Variants in TUSC3 observed in about 807,000 individuals in gnomAD.
The protein encoded by TUSC3 is tumor suppressor candidate 3, also known as dolichyl-diphosphooligosaccharide--protein glycosyltransferase subunit TUSC3.
A neutral mutation model predicts 44.8 loss-of-function variants in TUSC3; 45 were observed. The observed-to-expected ratio is 1.00, with a 90% confidence interval of 0.79 to 1.29. The LOEUF (loss-of-function observed/expected upper bound fraction) is 1.29, where lower values mean the gene tolerates loss of function less well. Among genes scored for constraint, TUSC3 ranks in the 50% most tolerant of loss-of-function variants. The pLI, the probability that TUSC3 is intolerant of heterozygous loss-of-function variation, is 0.00. For synonymous variants in TUSC3, 212 were observed against 152.9 expected (o/e 1.39, Z -2.85); for missense variants, 519 against 437.9 (o/e 1.19, Z -1.65).
rs567320047 is a variant in TUSC3, at chr8:15,573,631, A to G, written c.138+33063A>G. Among the ~76,000 whole-genome samples the G allele has an allele frequency of 7.2e-5, 11 of 152,064 alleles. 1 individual carries two copies. The South Asian group carries it at 1.9e-3, about 26-fold the overall frequency. Reference sequence around the variant, plus strand: ...AGTGGGTTGGTGTCACAGCTGAGGAAGTTGTTTATGAACCCTCAGACTTTT... The same window carrying G: ...AGTGGGTTGGTGTCACAGCTGAGGAGGTTGTTTATGAACCCTCAGACTTTT... On this transcript the variant is annotated intron_variant, in intron 1 of 10. Transcript: ENST00000503731.
At chr8:15,662,871 A>G (rs2129180249) in intron 5 of TUSC3, among the ~76,000 whole-genome samples, 1 of 152,106 alleles carries the variant, frequency 6.6e-6, no homozygotes, top group African/African-American at 2.4e-5. Flanking sequence ...AAAGGGAATC[A>G]TGACAAGCTT....
the TUSC3 span, among the ~76,000 whole-genome samples, chr8:15,805,980 T>C: frequency 6.6e-6 from 1 of 152,124 alleles, no homozygotes; most frequent in East Asian, 1.9e-4. Flanking sequence ...AAACAAAAAA[T>C]CAGTTATGAG....
At chr8:15,814,425 C>T in the TUSC3 span, among the ~76,000 whole-genome samples, 1 of 152,166 alleles carries the variant, frequency 6.6e-6, no homozygotes, top group Non-Finnish European at 1.5e-5. Flanking sequence ...AGTTTTCAAT[C>T]TACTAAGATG....
chr8:15,718,537 G>A (rs1467126729), intron 6 of TUSC3, among the ~76,000 whole-genome samples: 2 of 152,092 alleles, frequency 1.3e-5, no homozygotes, highest in African/African-American at 4.8e-5. Flanking sequence ...ACCTGGCTGG[G>A]ATGGGATCTT....
intron 1 of TUSC3, among the ~76,000 whole-genome samples, chr8:15,440,374 A>G (rs1264922444): frequency 3.3e-5 from 5 of 152,142 alleles, no homozygotes; most frequent in Non-Finnish European, 7.3e-5. Flanking sequence ...AGAAACCCAG[A>G]ATGATTAGAC....
Position 15,457,883 on chromosome 8 carries a change from C to T in TUSC3, n.92-25503C>T, listed in dbSNP as rs539869366. ...ATCTAATAAATTAATTAGATAATTA[C>T]TAATTAATTAATTAGATAATTACTA... On this transcript the variant is annotated intron_variant and non_coding_transcript_variant, in intron 1 of 5. Coordinates refer to the TUSC3 transcript ENST00000503191. Among the ~76,000 whole-genome samples the T allele has an allele frequency of 8.8e-3, 1,244 of 141,390 alleles. 19 individuals are homozygous for T. The highest frequency in any genetic ancestry group is 0.031 in the African/African-American group (1,182 of 38,538). 92.8% of individuals were successfully genotyped at this position (141,390 alleles called of 152,430 possible). A position where few individuals can be genotyped will look rare whatever the true frequency, so the allele number is the denominator to read the frequency against.
chr8:15,816,242 A>G, the TUSC3 span, among the ~76,000 whole-genome samples: 2 of 152,182 alleles, frequency 1.3e-5, no homozygotes, highest in African/African-American at 4.8e-5. Context: ...GATAATGAAG[A>G]GAACTGGAGA....
At chr8:15,797,792 G>A in the TUSC3 span, among the ~76,000 whole-genome samples, 1 of 152,160 alleles carries the variant, frequency 6.6e-6, no homozygotes, top group South Asian at 2.1e-4. Context: ...CACAGCAAGT[G>A]CTATCAATCT....
At chr8:15,772,882 C>T in the TUSC3 span, among the ~76,000 whole-genome samples, 1 of 131,462 alleles carries the variant, frequency 7.6e-6, no homozygotes, top group South Asian at 2.4e-4. Flanking sequence ...ACCACATGAA[C>T]AGAATGAAGA....
intron 6 of TUSC3, among the ~76,000 whole-genome samples, chr8:15,677,114 C>A (rs976071577): frequency 6.6e-6 from 1 of 152,082 alleles, no homozygotes; most frequent in Non-Finnish European, 1.5e-5. Context: ...GAACTCCTGG[C>A]TCAAGTGATC....
chr8:15,596,535 C>A (rs941820384), intron 1 of TUSC3, among the ~76,000 whole-genome samples: 4 of 152,222 alleles, frequency 2.6e-5, no homozygotes, highest in Admixed American at 6.5e-5. Context: ...GTCCTAGAAC[C>A]AATACCCTGT....
At chr8:15,442,536 A>T (rs1352913430) in intron 1 of TUSC3, among the ~76,000 whole-genome samples, 1 of 152,194 alleles carries the variant, frequency 6.6e-6, no homozygotes, top group Non-Finnish European at 1.5e-5. Context: ...TCTTACTAAA[A>T]TACACATAAA....
At chr8:15,665,933 C>G (rs1184336791) in intron 5 of TUSC3, among the ~76,000 whole-genome samples, 1 of 151,394 alleles carries the variant, frequency 6.6e-6, no homozygotes, top group Non-Finnish European at 1.5e-5. Context: ...GTTTCACTCC[C>G]TTCTGTCTTC....
chr8:15,587,338 A>C (rs1278403310), intron 1 of TUSC3, among the ~76,000 whole-genome samples: 3 of 152,136 alleles, frequency 2.0e-5, no homozygotes, highest in Non-Finnish European at 4.4e-5. Context: ...TTTTGCACTT[A>C]AGGCAGCATT....
At chr8:15,683,314 A>G (rs1808498855) in intron 6 of TUSC3, among the ~76,000 whole-genome samples, 1 of 152,012 alleles carries the variant, frequency 6.6e-6, no homozygotes, top group African/African-American at 2.4e-5. Flanking sequence ...ACAATCTCTT[A>G]TTTCTCAGAG....
chr8:15,821,768 C>G, the TUSC3 span, among the ~76,000 whole-genome samples: 1 of 143,592 alleles, frequency 7.0e-6, no homozygotes, highest in Non-Finnish European at 1.5e-5. Flanking sequence ...GGGTAATTTC[C>G]TTTTATATAC....
chr8:15,567,683 G>T (rs1299121714), intron 1 of TUSC3, among the ~76,000 whole-genome samples: 1 of 152,144 alleles, frequency 6.6e-6, no homozygotes, highest in African/African-American at 2.4e-5. Flanking sequence ...GGTTGGGATA[G>T]ATACTAGGGT....
chr8:15,694,024 A>G, intron 6 of TUSC3, among the ~76,000 whole-genome samples: 1 of 151,880 alleles, frequency 6.6e-6, no homozygotes. Flanking sequence ...TTTGTCTTTC[A>G]TCTCCTGTAT....
At chr8:15,632,358 G>T (rs570769367) in intron 2 of TUSC3, among the ~76,000 whole-genome samples, 2 of 152,124 alleles carry the variant, frequency 1.3e-5, no homozygotes, top group African/African-American at 4.8e-5. Flanking sequence ...TTCAAGGGAA[G>T]AGTACTATAG....
Sources: gnomAD v4.1 joint callset for allele counts (sites outside exome capture counted in the v4.1 genomes callset) on GRCh38, gnomAD v4.1.1 for gene constraint, MANE v1.5 for transcripts, NCBI Gene and HGNC (gene_info 2026-07-23, HGNC 2026-07-21) for gene names.